LPP: variants seen among roughly 807,000 people sequenced by gnomAD.
LPP encodes LIM domain containing preferred translocation partner in lipoma.
LPP carries 38 observed loss-of-function variants against 60.4 expected under a neutral mutation model. The observed-to-expected ratio is 0.63, with a 90% CI of 0.49 to 0.83. LPP has a LOEUF of 0.83. LPP is among the 40% of genes least tolerant of loss of function. The pLI, the probability that LPP is intolerant of heterozygous loss-of-function variation, is 0.00. For missense variants in LPP, 902 were observed against 783.6 expected (o/e 1.15, Z -1.80); for synonymous variants, 328 against 290.8 (o/e 1.13, Z -1.30).
At position 188,609,520 on chromosome 3, in the gene LPP, A is replaced by G. The variant is rs1337262361; in HGVS notation, c.789A>G (p.Pro263=). 7 of 1,613,948 alleles carry G rather than the reference A, an allele frequency of 4.3e-6. No individual in the cohort carries two copies. The East Asian group carries it at 1.1e-4, about 26-fold the overall frequency. ...CAGTTCCTGTCTCTGGGCAGTGTCC[A>G]CCTCCTTCAACACGGGGAGGCATGG... ...TQPVPVSGQC[P]PPSTRGGMDY... is the part of the protein sequence containing the mutation. Residue 263 remains proline, a synonymous_variant, in exon 7 of 12, where the codon CCA becomes CCG. Coordinates refer to ENST00000617246, the MANE Select transcript of LPP (RefSeq NM_001375462.1). This position sits in a 1 kb window ranked among gnomAD's most constrained non-coding sequence, Gnocchi z 6.9.
chr3:188,669,453 G>T (rs554988813), intron 7 of LPP, among the ~76,000 whole-genome samples: 6 of 152,100 alleles, frequency 3.9e-5, no homozygotes, highest in Non-Finnish European at 5.9e-5. Context: ...GCGGGCACCT[G>T]TAGTCCGAGC....
At chr3:188,722,627 G>C (rs751909678) in intron 8 of LPP, among the ~76,000 whole-genome samples, 30 of 152,144 alleles carry the variant, frequency 2.0e-4, no homozygotes, top group Non-Finnish European at 3.7e-4. Flanking sequence ...CATATCCATG[G>C]ACAAGTCAGA....
chr3:188,678,706 A>G (rs536366177), intron 7 of LPP, among the ~76,000 whole-genome samples: 1 of 152,324 alleles, frequency 6.6e-6, no homozygotes, highest in South Asian at 2.1e-4. Flanking sequence ...TCAATGGCCC[A>G]TTCGCTGTGT....
intron 5 of LPP, among the ~76,000 whole-genome samples, chr3:188,522,867 A>G (rs576336743): frequency 1.4e-5 from 2 of 144,454 alleles, no homozygotes; most frequent in African/African-American, 5.3e-5. Context: ...GTGTATATAT[A>G]TATGTTTGAG....
chr3:188,494,576 TG>T (rs2149788766), intron 5 of LPP, among the ~76,000 whole-genome samples: 1 of 152,256 alleles, frequency 6.6e-6, no homozygotes, highest in African/African-American at 2.4e-5. Context: ...TGACAGTTCC[TG>T]GTGTCCTGCT....
At chr3:188,600,768 T>C (rs919055155) in intron 6 of LPP, among the ~76,000 whole-genome samples, 1 of 152,114 alleles carries the variant, frequency 6.6e-6, no homozygotes, top group Non-Finnish European at 1.5e-5. Flanking sequence ...TAAATTTGAC[T>C]CTTCTAGGGG....
At chr3:188,795,243 G>T (rs538664603) in intron 9 of LPP, among the ~76,000 whole-genome samples, 2 of 152,302 alleles carry the variant, frequency 1.3e-5, no homozygotes, top group East Asian at 3.9e-4. Flanking sequence ...AAATACACGT[G>T]ATTTTCTTAA....
intron 7 of LPP, among the ~76,000 whole-genome samples, chr3:188,645,331 G>T (rs1850912117): frequency 6.6e-6 from 1 of 151,576 alleles, no homozygotes; most frequent in African/African-American, 2.4e-5. Flanking sequence ...TTGTTTGTAT[G>T]CTTTCTTTAG....
intron 8 of LPP, among the ~76,000 whole-genome samples, chr3:188,721,481 G>A (rs1209761364): frequency 6.6e-6 from 1 of 152,130 alleles, no homozygotes; most frequent in Non-Finnish European, 1.5e-5. Context: ...TTAAGCACTG[G>A]AGGTCAACGG....
At chr3:188,809,051 A>C (rs138973992) in intron 9 of LPP, among the ~76,000 whole-genome samples, 1 of 152,188 alleles carries the variant, frequency 6.6e-6, no homozygotes, top group Non-Finnish European at 1.5e-5. Flanking sequence ...CATGGTGTAC[A>C]TGTACCACAT....
intron 10 of LPP, among the ~76,000 whole-genome samples, chr3:188,869,653 C>CT (rs1767573329): frequency 6.6e-6 from 1 of 152,200 alleles, no homozygotes; most frequent in African/African-American, 2.4e-5. Flanking sequence ...ACAGAGGGAT[C>CT]TTGTTAAACT....
rs536960090 is a variant in LPP at position 188,636,103 on chromosome 3, G to A, written c.1113+26259G>A. On this transcript the variant is annotated intron_variant, in intron 7 of 11. Transcript: ENST00000617246. ...CCGGTCTACAGCTCCCAGCCTGAGC[G>A]ACGCAGAAGGCGGGTGATTTCTGCA... Among the ~76,000 whole-genome samples the A allele has an allele frequency of 2.6e-5, 4 of 152,360 alleles. No homozygotes were observed. The East Asian group carries it at 5.8e-4, about 22-fold the overall frequency.
At chr3:188,390,856 C>G (rs530037964) in intron 3 of LPP, among the ~76,000 whole-genome samples, 26 of 152,232 alleles carry the variant, frequency 1.7e-4, no homozygotes, top group African/African-American at 6.0e-4. Flanking sequence ...AAGAGAGAGA[C>G]CCTGAAGACA....
At chr3:188,825,267 C>CTGTGTGTG (rs1208771566) in intron 9 of LPP, among the ~76,000 whole-genome samples, 8 of 98,934 alleles carry the variant, frequency 8.1e-5, no homozygotes, top group South Asian at 5.2e-4. Context: ...CTCTCTCTCT[C>CTGTGTGTG]TCTGTGTGTG....
chr3:188,390,167 C>T (rs1479292775), intron 3 of LPP, among the ~76,000 whole-genome samples: 2 of 152,140 alleles, frequency 1.3e-5, no homozygotes, highest in Non-Finnish European at 2.9e-5. Context: ...GCTCCTGCCC[C>T]TCCCTGCAAT....
chr3:188,336,836 T>G (rs146001028), intron 2 of LPP, among the ~76,000 whole-genome samples: 166 of 152,252 alleles, frequency 1.1e-3, no homozygotes, highest in Admixed American at 1.4e-3. Context: ...TCAGCTCAGC[T>G]TTGGGATTTA....
chr3:188,650,250 G>GA (rs1343746755), intron 7 of LPP, among the ~76,000 whole-genome samples: 52 of 151,774 alleles, frequency 3.4e-4, no homozygotes, highest in African/African-American at 1.2e-3. Context: ...ATGAGTTAAA[G>GA]AAAAAAAACA....
At chr3:188,323,884 A>C (rs1427961592) in intron 2 of LPP, among the ~76,000 whole-genome samples, 1 of 152,228 alleles carries the variant, frequency 6.6e-6, no homozygotes, top group Non-Finnish European at 1.5e-5. Context: ...AATCCAGCTG[A>C]AGCAGGAATG....
rs1031754765 is a variant in LPP at position 188,352,618 on chromosome 3, G to A, written c.-10+10899G>A. Among the ~76,000 whole-genome samples, 1 of 152,228 alleles carries A rather than the reference G, an allele frequency of 6.6e-6. No individual in the cohort carries two copies. On this transcript the variant is annotated intron_variant, in intron 3 of 11. Coordinates refer to ENST00000617246, the MANE Select transcript of LPP (RefSeq NM_001375462.1). This position sits in a 1 kb window ranked among gnomAD's most constrained non-coding sequence, Gnocchi z 4.4. ...GGACAGTGAGGCGCATTATGCGGAGGTGACTTGCTCAAGGCCACAGAGTGC... is the reference window on the plus strand; with the variant it reads ...GGACAGTGAGGCGCATTATGCGGAGATGACTTGCTCAAGGCCACAGAGTGC...
Sources: allele counts gnomAD v4.1 joint callset (sites outside exome capture counted in the v4.1 genomes callset), GRCh38; gene constraint gnomAD v4.1.1; non-coding constraint Gnocchi (gnomAD v3.1); transcripts MANE v1.5; gene names NCBI Gene and HGNC (gene_info 2026-07-23, HGNC 2026-07-21).